INSL6: variants seen among roughly 807,000 people sequenced by gnomAD.
INSL6 encodes insulin-like peptide INSL6.
Under a neutral mutation model 9.4 loss-of-function variants are expected in INSL6, and 16 were observed. The observed-to-expected ratio is 1.70, with a 90% CI of 1.15 to 2.59. The LOEUF (loss-of-function observed/expected upper bound fraction) is 2.59. Ranked by LOEUF, INSL6 falls within the 30% of genes most tolerant of loss-of-function variation. The pLI is 0.00. For synonymous variants in INSL6, 154 were observed against 96.9 expected, an observed-to-expected ratio of 1.59 and a Z score of -3.46; for missense variants, 391 against 257.3, an observed-to-expected ratio of 1.52 and a Z score of -3.56.
the INSL6 span, among the ~76,000 whole-genome samples, chr9:5,071,829 G>C: frequency 1.1e-4 from 16 of 152,292 alleles, no homozygotes; most frequent in East Asian, 3.1e-3. Context: ...GTAGACCTTG[G>C]ATTTGAACAC....
chr9:5,113,387 A>G, the INSL6 span, among the ~76,000 whole-genome samples: 1 of 146,160 alleles, frequency 6.8e-6, no homozygotes, highest in African/African-American at 2.5e-5. Flanking sequence ...CCTAAGCGTA[A>G]TTTTTTTTAA....
chr9:5,044,584 CACTT>C, the INSL6 span: 7 of 1,036,046 alleles, frequency 6.8e-6, no homozygotes, highest in African/African-American at 8.1e-5. Flanking sequence ...TTTAATAAGT[CACTT>C]AATCAGGAAA....
the INSL6 span, among the ~76,000 whole-genome samples, chr9:5,095,340 A>C: frequency 6.6e-6 from 1 of 152,064 alleles, no homozygotes; most frequent in East Asian, 1.9e-4. Context: ...TAAATATAGT[A>C]GTTCTTACCC....
At chr9:5,181,614 T>G (rs1323782160) in intron 1 of INSL6, among the ~76,000 whole-genome samples, 2 of 152,212 alleles carry the variant, frequency 1.3e-5, no homozygotes, top group African/African-American at 4.8e-5. Flanking sequence ...TACTGCTTAA[T>G]TATATAAAAG....
intron 2 of INSL6, among the ~76,000 whole-genome samples, chr9:5,137,379 GGCT>G (rs1284623736): frequency 6.6e-6 from 1 of 152,124 alleles, no homozygotes; most frequent in Admixed American, 6.5e-5. Flanking sequence ...TACATTACAA[GGCT>G]ATAGTAACAA....
At chr9:5,114,763 G>A in the INSL6 span, 17 of 326,260 alleles carry the variant, frequency 5.2e-5, 1 homozygote, top group Non-Finnish European at 6.0e-6. Flanking sequence ...ACAGCGACTG[G>A]CTCACAGACC....
At chr9:5,145,230 T>G (rs1167502829) in intron 2 of INSL6, among the ~76,000 whole-genome samples, 1 of 151,428 alleles carries the variant, frequency 6.6e-6, no homozygotes, top group Non-Finnish European at 1.5e-5. Flanking sequence ...GAAGCTTAGC[T>G]TGGCCAGATA....
intron 1 of INSL6, among the ~76,000 whole-genome samples, chr9:5,167,850 A>G (rs1298761054): frequency 2.0e-5 from 3 of 152,158 alleles, no homozygotes; most frequent in African/African-American, 4.8e-5. Context: ...CCTCTGGGAC[A>G]AAGTTCTCAG....
At chr9:5,048,636 G>A in the INSL6 span, among the ~76,000 whole-genome samples, 1 of 151,990 alleles carries the variant, frequency 6.6e-6, no homozygotes, top group African/African-American at 2.4e-5. Context: ...CCTTTGTTTT[G>A]GGTGATACTG....
the INSL6 span, among the ~76,000 whole-genome samples, chr9:5,107,489 C>T: frequency 3.0e-3 from 463 of 152,162 alleles, 2 homozygotes; most frequent in African/African-American, 0.011. Flanking sequence ...ACAATAATCA[C>T]CACAGCCCTT....
intron 1 of INSL6, among the ~76,000 whole-genome samples, chr9:5,176,524 A>G (rs1473021782): frequency 1.3e-5 from 2 of 152,324 alleles, no homozygotes; most frequent in African/African-American, 4.8e-5. Context: ...AGAAAAAATC[A>G]TAAGACTAAG....
intron 2 of INSL6, among the ~76,000 whole-genome samples, chr9:5,143,130 A>C (rs1824534851): frequency 6.6e-6 from 1 of 152,142 alleles, no homozygotes. Flanking sequence ...ATGTTCATCA[A>C]GGATATAGGC....
the INSL6 span, among the ~76,000 whole-genome samples, chr9:5,044,759 T>C: frequency 6.6e-6 from 1 of 152,354 alleles, no homozygotes; most frequent in Non-Finnish European, 1.5e-5. Context: ...TTTCTTTCTT[T>C]TTTAGGACTT....
the INSL6 span, chr9:5,109,844 A>C: frequency 6.6e-6 from 1 of 152,200 alleles, no homozygotes; most frequent in Non-Finnish European, 1.5e-5. Context: ...TCCTCATCAC[A>C]GTATTCTTCC....
the INSL6 span, among the ~76,000 whole-genome samples, chr9:5,034,138 CAAAG>C: frequency 2.0e-5 from 3 of 152,104 alleles, no homozygotes; most frequent in East Asian, 1.9e-4. Context: ...TCAAAAGAAA[CAAAG>C]AAGGCCATTA....
At chr9:5,031,435 A>G in the INSL6 span, among the ~76,000 whole-genome samples, 1 of 152,248 alleles carries the variant, frequency 6.6e-6, no homozygotes, top group Non-Finnish European at 1.5e-5. Flanking sequence ...TAGAAACATA[A>G]TAATATGAAG....
chr9:5,017,999 A>G, the INSL6 span, among the ~76,000 whole-genome samples: 1 of 152,108 alleles, frequency 6.6e-6, no homozygotes, highest in Non-Finnish European at 1.5e-5. Flanking sequence ...TAAAGGTGAG[A>G]TGAGGTTTTG....
At chr9:4,992,625 C>T in the INSL6 span, among the ~76,000 whole-genome samples, 18 of 152,124 alleles carry the variant, frequency 1.2e-4, no homozygotes, top group Admixed American at 3.9e-4. Context: ...ACTCAGAGTC[C>T]AGTATCTCAT....
chr9:5,034,454 C>A, the INSL6 span, among the ~76,000 whole-genome samples: 58,520 of 151,832 alleles, frequency 0.39, 13,245 homozygotes, highest in African/African-American at 0.64. Flanking sequence ...AGCACCACAC[C>A]ACACCTATTC....
Sources: gnomAD v4.1 joint callset for allele counts (sites outside exome capture counted in the v4.1 genomes callset) on GRCh38, gnomAD v4.1.1 for gene constraint, MANE v1.5 for transcripts, NCBI Gene and HGNC (gene_info 2026-07-23, HGNC 2026-07-21) for gene names.